The following PPP4R3B variants were observed in gnomAD, a reference collection of about 807,000 sequenced individuals.
The protein encoded by PPP4R3B is protein phosphatase 4 regulatory subunit 3B.
PPP4R3B carries 52 observed loss-of-function variants against 95.4 expected under a neutral mutation model. The observed-to-expected ratio is 0.54, with a 90% CI of 0.44 to 0.69. PPP4R3B has a LOEUF of 0.69. Among genes scored for constraint, PPP4R3B ranks in the 30% least tolerant of loss-of-function variants. The probability of loss-of-function intolerance (pLI) is 0.00; values close to 1 mark genes in which losing one functional copy is unlikely to be tolerated. For synonymous variants in PPP4R3B, 407 were observed against 343.9 expected, an observed-to-expected ratio of 1.18 and a Z score of -2.03; for missense variants, 1,003 against 1,005.9, an observed-to-expected ratio of 1.00 and a Z score of 0.04.
intron 12 of PPP4R3B, among the ~76,000 whole-genome samples, chr2:55,570,079 G>A (rs746588976): frequency 2.0e-5 from 3 of 151,928 alleles, no homozygotes; most frequent in East Asian, 1.9e-4. Flanking sequence ...GTGAAACCCC[G>A]TCTTTACTAA....
At chr2:55,582,695 A>AG (rs1689597238) in intron 7 of PPP4R3B, among the ~76,000 whole-genome samples, 1 of 152,222 alleles carries the variant, frequency 6.6e-6, no homozygotes, top group Non-Finnish European at 1.5e-5. Flanking sequence ...TGCATATCTT[A>AG]GGTTTGATGG....
At chr2:55,573,527 T>G (rs560741153) in intron 12 of PPP4R3B, 92 bp downstream of exon 12, 3 of 1,157,278 alleles carry the variant, frequency 2.6e-6, no homozygotes, top group Non-Finnish European at 2.4e-6. Flanking sequence ...ATCTCATTCA[T>G]AGAATATACA....
At position 55,547,759 on chromosome 2, in the gene PPP4R3B, T is replaced by C. The variant is rs1684868807; in HGVS notation, c.*2152A>G. ...CAAGATGGTGAAACCCCGTCTCTAC[T>C]GAAAATACAAAAATTAGCCTGGCAT... is the stretch of plus-strand genomic sequence containing the variant. On this transcript the variant is annotated 3_prime_UTR_variant, in exon 17 of 17. Coordinates refer to ENST00000616407, the MANE Select transcript of PPP4R3B (RefSeq NM_001122964.3). 1 of 152,138 alleles carries C rather than the reference T, an allele frequency of 6.6e-6. No individual in the cohort carries two copies. 9.4% of individuals were successfully genotyped at this position (152,138 alleles called of 1,614,324 possible). A position where few individuals can be genotyped will look rare whatever the true frequency, so the allele number is the denominator to read the frequency against.
Position 55,555,906 on chromosome 2 carries a change from T to C in PPP4R3B, c.2454+2869A>G, listed in dbSNP as rs1574663450. On this transcript the variant is annotated intron_variant, in intron 16 of 16. Transcript: ENST00000616407. ...TATTTTAGTATCCACAAATGGCTTCTCATTCTGATTTTATATTTTTCCTCA... is the reference window on the plus strand; with the variant it reads ...TATTTTAGTATCCACAAATGGCTTCCCATTCTGATTTTATATTTTTCCTCA... Among the ~76,000 whole-genome samples, 7 of 152,364 alleles carry C rather than the reference T, an allele frequency of 4.6e-5. No homozygotes were observed. In the South Asian group the frequency reaches 1.4e-3, roughly 32 times the overall value.
intron 2 of PPP4R3B, among the ~76,000 whole-genome samples, chr2:55,609,365 C>G (rs937129549): frequency 5.9e-5 from 9 of 152,170 alleles, no homozygotes; most frequent in Admixed American, 5.2e-4. Context: ...CACCCTATCT[C>G]TATTCCCAGA....
rs554435016 is a variant in PPP4R3B, at chr2:55,560,601, A to AC, written c.2261-1634dup. Among the ~76,000 whole-genome samples the AC allele has an allele frequency of 3.0e-3, 461 of 152,044 alleles. 2 individuals carry two copies. Among genetic ancestry groups the AC allele is most frequent in the Non-Finnish European group, 4.8e-3 (328 of 67,972 alleles). ...AGACCAGCCTGGCCAACAGGGTGAA[A>AC]CCCTGTCTCTACTAAAAATACAAAA... On this transcript the variant is annotated intron_variant, in intron 15 of 16. Coordinates refer to ENST00000616407, the MANE Select transcript of PPP4R3B (RefSeq NM_001122964.3).
chr2:55,563,542 T>C (rs546311646), intron 15 of PPP4R3B, among the ~76,000 whole-genome samples: 2 of 152,206 alleles, frequency 1.3e-5, no homozygotes, highest in African/African-American at 4.8e-5. Context: ...CCATTTAATT[T>C]TTGTGTTTTT....
chr2:55,552,411 T>A (rs140837492), intron 16 of PPP4R3B, among the ~76,000 whole-genome samples: 1,578 of 152,212 alleles, frequency 0.01, 30 homozygotes, highest in African/African-American at 0.036. Flanking sequence ...ATATATATAT[T>A]TTTTAAGAGT....
rs905688298 is a variant in PPP4R3B, at chr2:55,588,914, C to G, written c.964G>C (p.Asp322His). 5.0e-6 allele frequency: 8 copies of G among 1,610,768 alleles called. No homozygotes were observed. The Admixed American group carries it at 1.0e-4, about 20-fold the overall frequency. Residue 322 changes from aspartate (D) to histidine (H), a missense_variant, in exon 5 of 17, where the codon GAT becomes CAT. Asp to His is a moderately conservative substitution (Grantham distance 81). Coordinates refer to ENST00000616407, the MANE Select transcript of PPP4R3B (RefSeq NM_001122964.3). ...CGTTTATCATCATCTGTAGCCTCAT[C>G]TGTTAATTGTGCAAAAACTTCAGAC... is the stretch of plus-strand genomic sequence containing the variant. ...FLSEVFAQLT[D>H]EATDDDKRRE... is the part of the protein sequence containing the mutation.
chr2:55,561,690 C>T (rs1213434792), intron 15 of PPP4R3B, among the ~76,000 whole-genome samples: 11 of 152,254 alleles, frequency 7.2e-5, no homozygotes, highest in African/African-American at 2.2e-4. Flanking sequence ...GACTGCCCTG[C>T]TGGGCTTTGC....
At chr2:55,603,855 A>G (rs1572712383) in intron 3 of PPP4R3B, 123 bp downstream of exon 3, 1 of 550,640 alleles carries the variant, frequency 1.8e-6, no homozygotes, top group East Asian at 3.2e-5. Flanking sequence ...ATTTCAAGTT[A>G]GATTATCAAG....
At chr2:55,607,619 T>A (rs1223912778) in intron 2 of PPP4R3B, among the ~76,000 whole-genome samples, 1 of 152,220 alleles carries the variant, frequency 6.6e-6, no homozygotes, top group African/African-American at 2.4e-5. Context: ...CACTTAGTTA[T>A]CTGGGAGCTC....
At chr2:55,595,367 T>C (rs937401132) in intron 4 of PPP4R3B, among the ~76,000 whole-genome samples, 3 of 151,928 alleles carry the variant, frequency 2.0e-5, no homozygotes, top group South Asian at 2.1e-4. Flanking sequence ...CAGTGGCTCA[T>C]ATCTATAATC....
At chr2:55,555,517 G>A (rs1365056959) in intron 16 of PPP4R3B, among the ~76,000 whole-genome samples, 1 of 151,574 alleles carries the variant, frequency 6.6e-6, no homozygotes, top group East Asian at 1.9e-4. Context: ...AGTTCCTGAC[G>A]AGCCTGGCCA....
At chr2:55,566,386 G>T (rs964477270) in intron 13 of PPP4R3B, among the ~76,000 whole-genome samples, 1 of 152,128 alleles carries the variant, frequency 6.6e-6, no homozygotes, top group Non-Finnish European at 1.5e-5. Flanking sequence ...TAGGGACAGG[G>T]TTGTAAACTC....
rs1348124825 is a variant in PPP4R3B, at chr2:55,573,680, G to C, written c.1704C>G (p.Asn568Lys). The part of the protein sequence containing the change: ...HTYHIKNYIM[N>K]KDLLRRVLVL... The stretch of plus-strand genomic sequence containing the variant: ...CCAAGACTCTTCTTAGCAAGTCCTT[G>C]TTCATAATATAGTTTTTTATGTGAT... Residue 568 changes from asparagine to lysine, a missense_variant, in exon 12 of 17, where the codon AAC becomes AAG. Asn to Lys is a moderately conservative substitution (Grantham distance 94). Transcript: ENST00000616407. 1 of 1,545,512 alleles carries C rather than the reference G, an allele frequency of 6.5e-7. No individual in the cohort carries two copies. Among genetic ancestry groups the C allele is most frequent in the South Asian group, 1.2e-5 (1 of 82,162 alleles).
chr2:55,607,328 C>T (rs1693558755), intron 2 of PPP4R3B, among the ~76,000 whole-genome samples: 1 of 152,166 alleles, frequency 6.6e-6, no homozygotes, highest in Non-Finnish European at 1.5e-5. Context: ...CTCAGCCCTA[C>T]AAGACTGCCC....
chr2:55,589,485 G>C (rs142625393), intron 4 of PPP4R3B, among the ~76,000 whole-genome samples: 1 of 152,122 alleles, frequency 6.6e-6, no homozygotes, highest in Admixed American at 6.5e-5. Context: ...AGTTTTACAC[G>C]TTCTTGCGGT....
rs1482802435 is a variant in PPP4R3B, at chr2:55,549,300, A to G, written c.*611T>C. The G allele has an allele frequency of 6.5e-6, 1 of 152,802 alleles. No individual in the cohort carries two copies. Among genetic ancestry groups the G allele is most frequent in the African/African-American group, 2.4e-5 (1 of 41,446 alleles). The allele number at this position is 152,802 out of a possible 1,614,324, so 9.5% of individuals were successfully genotyped here. A position where few individuals can be genotyped will look rare whatever the true frequency, so the allele number is the denominator to read the frequency against. ...CTTGTTTTCATCAATATACATATTG[A>G]AAATTCCTGGTGTAGAAAACTCAAC... On this transcript the variant is annotated 3_prime_UTR_variant, in exon 17 of 17. Coordinates refer to ENST00000616407, the MANE Select transcript of PPP4R3B (RefSeq NM_001122964.3).
Sources: gnomAD v4.1 joint callset for allele counts (sites outside exome capture counted in the v4.1 genomes callset) on GRCh38, gnomAD v4.1.1 for gene constraint, MANE v1.5 for transcripts, NCBI Gene and HGNC (gene_info 2026-07-23, HGNC 2026-07-21) for gene names.